C3: variants seen among roughly 807,000 people sequenced by gnomAD.
C3 encodes complement C3.
In C3, 97 loss-of-function variants were observed where a neutral mutation model predicts 207.9. The ratio of observed to expected loss-of-function variants is 0.47; its 90% confidence interval spans 0.40 to 0.55. The LOEUF (loss-of-function observed/expected upper bound fraction) is 0.55, where lower values mean the gene tolerates loss of function less well. C3 is among the 20% of genes least tolerant of loss of function. The pLI is 0.00. For missense variants in C3, 1,684 were observed against 2,171.7 expected (o/e 0.78, Z 4.46); for synonymous variants, 848 against 857.6 (o/e 0.99, Z 0.20).
intron 23 of C3, among the ~76,000 whole-genome samples, chr19:6,696,135 G>A (rs1293788540): frequency 1.3e-5 from 2 of 151,194 alleles, no homozygotes; most frequent in Non-Finnish European, 2.9e-5. Context: ...GCGTGAACCC[G>A]GGAGGCGGAG....
chr19:6,684,255 T>C, intron 33 of C3, 133 bp downstream of exon 33: 1 of 812,600 alleles, frequency 1.2e-6, no homozygotes, highest in South Asian at 1.3e-5. Context: ...GTCTACCTCA[T>C]GGTGGATACT....
intron 4 of C3, chr19:6,717,408 CTGTGTG>C (rs56313992): frequency 3.7e-4 from 57 of 153,714 alleles, no homozygotes; most frequent in Admixed American, 1.5e-3. Context: ...GTCTCTCAGC[CTGTGTG>C]TGTGTGTGTG....
chr19:6,715,617 TTG>T (rs1300131830), intron 4 of C3, among the ~76,000 whole-genome samples: 21 of 147,986 alleles, frequency 1.4e-4, no homozygotes, highest in South Asian at 4.3e-4. Flanking sequence ...TGTTTTTTTT[TTG>T]TTTTTTTTGT....
At chr19:6,693,989 G>A (rs1420681215) in intron 24 of C3, among the ~76,000 whole-genome samples, 1 of 132,096 alleles carries the variant, frequency 7.6e-6, no homozygotes, top group African/African-American at 3.2e-5. Context: ...CAGGGGATGG[G>A]CATGGCCTTG....
At position 6,693,054 on chromosome 19, in the gene C3, G is replaced by A. The variant is rs770609567; in HGVS notation, c.3260C>T (p.Ser1087Phe). Residue 1087 changes from serine to phenylalanine, a missense_variant, in exon 26 of 41, where the codon TCT (serine) becomes TTT (phenylalanine). Physicochemically the swap from Ser to Phe is radical, Grantham distance 155. This residue lies in a region of C3 where 1,280 missense variants were observed against 1,739.1 expected (regional missense o/e 0.74). Coordinates refer to ENST00000245907, the MANE Select transcript of C3 (RefSeq NM_000064.4). ...WLTAYVVKVFSLAVNLIAIDS... is the reference protein window; with the variant it reads ...WLTAYVVKVFFLAVNLIAIDS... ...GATGGCGATGAGGTTGACAGCCAGA[G>A]AGAAGACCTTGACCACGTAGGCGGT... 6.2e-7 allele frequency: 1 copy of A among 1,614,194 alleles called. No individual in the cohort carries two copies. Among genetic ancestry groups the A allele is most frequent in the Non-Finnish European group, 8.5e-7 (1 of 1,180,040 alleles).
At chr19:6,709,628 A>ACC in intron 14 of C3, 56 bp downstream of exon 14, 2 of 370,140 alleles carry the variant, frequency 5.4e-6, no homozygotes, top group Non-Finnish European at 9.0e-6. Context: ...CACCTCCCCC[A>ACC]GCCCCAGCTC....
chr19:6,700,137 A>G (rs955767064), intron 19 of C3, among the ~76,000 whole-genome samples: 4 of 144,022 alleles, frequency 2.8e-5, no homozygotes, highest in African/African-American at 1.0e-4. Context: ...ATTAAATTAT[A>G]TTATAATTAA....
intron 14 of C3, 73 bp downstream of exon 14, chr19:6,709,611 T>TCTCCC: frequency 1.8e-6 from 2 of 1,109,450 alleles, no homozygotes; most frequent in Non-Finnish European, 1.4e-6. Flanking sequence ...CCCTCTCCAG[T>TCTCCC]CCCACCCACC....
chr19:6,678,106 G>A, intron 40 of C3, 46 bp downstream of exon 40: 1 of 1,614,124 alleles, frequency 6.2e-7, no homozygotes, highest in Non-Finnish European at 8.5e-7. Context: ...CGTGGCATGG[G>A]CGGGGCAGTC....
chr19:6,685,728 T>A (rs973217396), intron 29 of C3, among the ~76,000 whole-genome samples: 1 of 152,134 alleles, frequency 6.6e-6, no homozygotes, highest in Non-Finnish European at 1.5e-5. Context: ...AGCCCGCCAG[T>A]GAGGCAATGT....
In C3 at chr19:6,679,458, C is replaced by A; in HGVS notation, c.4495G>T (p.Asp1499Tyr). 1 of 1,614,026 alleles carries A rather than the reference C, an allele frequency of 6.2e-7. No homozygotes were observed. Among genetic ancestry groups the A allele is most frequent in the African/African-American group, 1.3e-5 (1 of 75,048 alleles). Reference sequence around the variant, plus strand: ...CGGCAGAGCTTGTTCAGCTTTCCATCCTCCTTTTCCGGATGGTAGAACCGG... The same window carrying A: ...CGGCAGAGCTTGTTCAGCTTTCCATACTCCTTTTCCGGATGGTAGAACCGG... The part of the protein sequence containing the change: ...CTRFYHPEKE[D>Y]GKLNKLCRDE... The change falls in exon 37 of 41, where the codon GAT (aspartate) becomes TAT (tyrosine). Residue 1499 changes from aspartate (D) to tyrosine (Y), a missense_variant. By Grantham distance (160) the Asp-to-Tyr change is radical. This residue lies in a region of C3 where 346 missense variants were observed against 380.1 expected (regional missense o/e 0.91). Coordinates refer to ENST00000245907, the MANE Select transcript of C3 (RefSeq NM_000064.4).
chr19:6,679,607 C>A, intron 36 of C3, 111 bp from the exon 37 acceptor site: 1 of 787,136 alleles, frequency 1.3e-6, no homozygotes. Context: ...GATGCTAGGT[C>A]TTCAACCCCT....
intron 25 of C3, 71 bp from the exon 26 acceptor site, chr19:6,693,154 G>A (rs976235877): frequency 2.0e-5 from 31 of 1,555,008 alleles, no homozygotes; most frequent in Middle Eastern, 3.8e-4. Flanking sequence ...CAGCCAATGA[G>A]CGTGGGGGAG....
Position 6,688,370 on chromosome 19 carries a change from G to A in C3, c.3490-1468C>T, listed in dbSNP as rs1918066229. Among the ~76,000 whole-genome samples the A allele has an allele frequency of 7.2e-5, 11 of 152,298 alleles. No homozygotes were observed. The South Asian group carries it at 2.3e-3, about 32-fold the overall frequency. ...GGTGGTTTTGAACTCCTGACCTCAG[G>A]TGATCTGCCGGCCTTGGCTTCCCAA... On this transcript the variant is annotated intron_variant, in intron 27 of 40. Coordinates refer to ENST00000245907, the MANE Select transcript of C3 (RefSeq NM_000064.4).
intron 33 of C3, among the ~76,000 whole-genome samples, chr19:6,683,772 T>C (rs1335220448): frequency 6.6e-6 from 1 of 152,248 alleles, no homozygotes; most frequent in Non-Finnish European, 1.5e-5. Context: ...TCTTTATAAC[T>C]GGCAGTATGA....
intron 33 of C3, among the ~76,000 whole-genome samples, chr19:6,683,761 AT>A (rs1436195906): frequency 6.6e-6 from 1 of 152,194 alleles, no homozygotes; most frequent in Non-Finnish European, 1.5e-5. Flanking sequence ...ATTTCCCTGT[AT>A]CTTTATAACT....
chr19:6,716,633 A>C (rs555915384), intron 4 of C3: 1 of 152,324 alleles, frequency 6.6e-6, no homozygotes, highest in South Asian at 2.1e-4. Flanking sequence ...TAAGTTTTTT[A>C]TTAAACCCAA....
Position 6,696,623 on chromosome 19 carries a change from G to A in C3, c.2833C>T (p.Arg945Cys), listed in dbSNP as rs1967539784. 3.0e-5 allele frequency: 49 copies of A among 1,614,036 alleles called. No individual in the cohort carries two copies. Among genetic ancestry groups the A allele is most frequent in the Non-Finnish European group, 3.9e-5 (46 of 1,179,998 alleles). Reference sequence around the variant, plus strand: ...CCCAGGCGTTCTGGATCCAGGGTGCGAACAGCCACAGTTTTGTTCATTCTG... The same window carrying A: ...CCCAGGCGTTCTGGATCCAGGGTGCAAACAGCCACAGTTTTGTTCATTCTG... ...GIRMNKTVAV[R>C]TLDPERLGRE... Residue 945 changes from arginine to cysteine, a missense_variant, in exon 22 of 41, where the codon CGC becomes TGC. By Grantham distance (180) the Arg-to-Cys change is radical. This residue lies in a region of C3 where 1,280 missense variants were observed against 1,739.1 expected (regional missense o/e 0.74). Coordinates refer to ENST00000245907, the MANE Select transcript of C3 (RefSeq NM_000064.4).
At chr19:6,693,345 G>C in intron 25 of C3, 67 bp downstream of exon 25, 1 of 1,486,330 alleles carries the variant, frequency 6.7e-7, no homozygotes, top group Non-Finnish European at 9.2e-7. Context: ...CCCTGGCCAG[G>C]GTCCGGGCCC....
Sources: gnomAD v4.1 joint callset for allele counts (sites outside exome capture counted in the v4.1 genomes callset) on GRCh38, gnomAD v4.1.1 for gene constraint, gnomAD v4.1.1 regional missense constraint, MANE v1.5 for transcripts, NCBI Gene and HGNC (gene_info 2026-07-23, HGNC 2026-07-21) for gene names.